Variants in PAGE2B observed in about 807,000 individuals in gnomAD.
PAGE2B encodes PAGE family member 2B, also known as putative G antigen family E member 3.
PAGE2B carries 5 observed loss-of-function variants against 7.6 expected under a neutral mutation model. The observed-to-expected ratio is 0.66, with a 90% CI of 0.34 to 1.38. The LOEUF (loss-of-function observed/expected upper bound fraction) is 1.38, where lower values mean the gene tolerates loss of function less well. PAGE2B is among the 40% of genes most tolerant of loss of function. The pLI, the probability that PAGE2B is intolerant of heterozygous loss-of-function variation, is 0.04. For missense variants in PAGE2B, 70 were observed against 78.4 expected (o/e 0.89, Z 0.41); for synonymous variants, 29 against 26.7 (o/e 1.09, Z -0.27).
chrX:55,044,823 A>G, the PAGE2B span: 1 of 112,072 alleles, frequency 8.9e-6, no homozygotes, highest in African/African-American at 3.2e-5. Flanking sequence ...TTTCTCTGCT[A>G]TAGATTGCTG....
the PAGE2B span, among the ~76,000 whole-genome samples, chrX:55,041,705 CCA>C: frequency 9.0e-6 from 1 of 111,674 alleles, no homozygotes; most frequent in Admixed American, 9.5e-5. Flanking sequence ...GTGGTCTCCC[CCA>C]CAGGCTCTGG....
At chrX:55,044,018 G>A in the PAGE2B span, among the ~76,000 whole-genome samples, 2 of 106,213 alleles carry the variant, frequency 1.9e-5, no homozygotes, top group African/African-American at 7.3e-5. Flanking sequence ...TGGCATGGAT[G>A]TGGTAAAAAG....
chrX:55,036,760 A>G, the PAGE2B span, among the ~76,000 whole-genome samples: 1 of 109,555 alleles, frequency 9.1e-6, no homozygotes, highest in Non-Finnish European at 1.9e-5. Flanking sequence ...ATCTACAACC[A>G]TCTGATCTTT....
chrX:55,037,260 T>G, the PAGE2B span, among the ~76,000 whole-genome samples: 7 of 112,117 alleles, frequency 6.2e-5, no homozygotes, highest in Admixed American at 1.9e-4. Flanking sequence ...CAGACACTTC[T>G]CAAAAGAAGA....
upstream of PAGE2B, among the ~76,000 whole-genome samples, chrX:55,072,928 G>A (rs765849215): frequency 1.1e-4 from 12 of 111,443 alleles, no homozygotes; most frequent in South Asian, 2.7e-3. Flanking sequence ...ACCAAGCTCC[G>A]ATAGTCCCAG....
chrX:55,067,907 C>G, the PAGE2B span, among the ~76,000 whole-genome samples: 1 of 111,474 alleles, frequency 9.0e-6, no homozygotes, highest in Non-Finnish European at 1.9e-5. Flanking sequence ...TTGTTTGTTT[C>G]TTTTTTCCTT....
At position 55,076,627 on chromosome X, in the gene PAGE2B, G is replaced by A. The variant is rs1178772285; in HGVS notation, c.143G>A (p.Gly48Asp). The change falls in exon 3 of 5, where the codon GGT becomes GAT. Residue 48 changes from glycine to aspartate, a missense_variant. Coordinates refer to ENST00000374971, the MANE Select transcript of PAGE2B (RefSeq NM_001015038.3). ...QEEEPPTDNQ[G>D]IAPSGEIENE... ...GAGGAACCACCAACTGATAATCAGG[G>A]TATTGCACCTAGTGGGGAGATCGAA... 2 of 1,208,244 alleles carry A rather than the reference G, an allele frequency of 1.7e-6. No individual in the cohort carries two copies. Among genetic ancestry groups the A allele is most frequent in the Non-Finnish European group, 1.1e-6 (1 of 894,207 alleles).
chrX:55,069,505 T>TC, the PAGE2B span, among the ~76,000 whole-genome samples: 1 of 93,948 alleles, frequency 1.1e-5, no homozygotes, highest in Non-Finnish European at 1.9e-5. Flanking sequence ...ATTCTCTCTC[T>TC]TTTTTTTTTG....
chrX:55,033,916 CA>C, the PAGE2B span, among the ~76,000 whole-genome samples: 2 of 112,476 alleles, frequency 1.8e-5, no homozygotes, highest in African/African-American at 6.5e-5. Context: ...AGTATATTTA[CA>C]GAACTGTGCA....
chrX:55,063,344 T>C, the PAGE2B span, among the ~76,000 whole-genome samples: 1 of 111,878 alleles, frequency 8.9e-6, no homozygotes, highest in Non-Finnish European at 1.9e-5. Context: ...GGGATTACTT[T>C]TTAAAATTTC....
At chrX:55,066,985 T>A in the PAGE2B span, among the ~76,000 whole-genome samples, 1 of 111,779 alleles carries the variant, frequency 8.9e-6, no homozygotes. Context: ...TTTTGCCTCC[T>A]CTGATGGTGT....
the PAGE2B span, among the ~76,000 whole-genome samples, chrX:55,050,652 A>G: frequency 2.7e-5 from 3 of 109,818 alleles, no homozygotes; most frequent in Non-Finnish European, 3.8e-5. Context: ...TTTGTTTTCC[A>G]TTTGCTTGGT....
chrX:55,052,748 T>A, the PAGE2B span, among the ~76,000 whole-genome samples: 2 of 113,015 alleles, frequency 1.8e-5, no homozygotes, highest in Non-Finnish European at 3.8e-5. Flanking sequence ...CCTGACCCCT[T>A]GTGCTTCCCG....
the PAGE2B span, among the ~76,000 whole-genome samples, chrX:55,064,117 G>C: frequency 9.0e-6 from 1 of 111,296 alleles, no homozygotes; most frequent in Non-Finnish European, 1.9e-5. Context: ...TTTTGGAATA[G>C]TTTGAGTAGG....
At chrX:55,053,944 G>A in the PAGE2B span, among the ~76,000 whole-genome samples, 2 of 112,188 alleles carry the variant, frequency 1.8e-5, no homozygotes, top group African/African-American at 3.2e-5. Flanking sequence ...AGCCAGGTGC[G>A]GTGGCTCATG....
chrX:55,076,303 G>A (rs1602276695), intron 2 of PAGE2B, among the ~76,000 whole-genome samples, 178 bp downstream of exon 2: 1 of 106,161 alleles, frequency 9.4e-6, no homozygotes. Flanking sequence ...TATGGATATG[G>A]ATATTTCTCT....
At chrX:55,047,532 C>T in the PAGE2B span, among the ~76,000 whole-genome samples, 1 of 111,700 alleles carries the variant, frequency 9.0e-6, no homozygotes, top group Non-Finnish European at 1.9e-5. Flanking sequence ...CCAGTCCCAC[C>T]AACAGTGTAA....
the PAGE2B span, among the ~76,000 whole-genome samples, chrX:55,035,046 G>A: frequency 7.3e-5 from 8 of 110,066 alleles, no homozygotes; most frequent in African/African-American, 2.6e-4. Context: ...TTTGCTGGCA[G>A]CCAATTAGAT....
At chrX:55,062,822 T>C in the PAGE2B span, among the ~76,000 whole-genome samples, 1 of 111,861 alleles carries the variant, frequency 8.9e-6, no homozygotes, top group African/African-American at 3.2e-5. Context: ...TGCATGTGGA[T>C]ATCCAGTTTT....
Sources: gnomAD v4.1 joint callset for allele counts (sites outside exome capture counted in the v4.1 genomes callset) on GRCh38, gnomAD v4.1.1 for gene constraint, MANE v1.5 for transcripts, NCBI Gene and HGNC (gene_info 2026-07-23, HGNC 2026-07-21) for gene names.